The following MIOS variants were observed in gnomAD, a reference collection of about 807,000 sequenced individuals.
MIOS encodes GATOR2 complex protein MIOS.
MIOS carries 52 observed loss-of-function variants against 96.9 expected under a neutral mutation model. The observed-to-expected ratio is 0.54, with a 90% CI of 0.43 to 0.68. The LOEUF is 0.68. MIOS is among the 30% of genes least tolerant of loss of function. The pLI is 0.00. For missense variants in MIOS, 1,005 were observed against 1,052.8 expected (o/e 0.95, Z 0.63); for synonymous variants, 397 against 359.5 (o/e 1.10, Z -1.18).
chr7:7,599,144 A>G (rs189885547), intron 11 of MIOS, among the ~76,000 whole-genome samples: 8 of 152,300 alleles, frequency 5.3e-5, no homozygotes, highest in Admixed American at 2.0e-4. Context: ...CTCTAAAAAG[A>G]TCTGAAAATC....
At chr7:7,598,907 T>A (rs1005841224) in intron 11 of MIOS, among the ~76,000 whole-genome samples, 3 of 152,050 alleles carry the variant, frequency 2.0e-5, no homozygotes, top group Non-Finnish European at 2.9e-5. Flanking sequence ...TGTTATAGAA[T>A]TTTTTTCCAT....
At chr7:7,595,337 T>C (rs550767385) in intron 10 of MIOS, among the ~76,000 whole-genome samples, 2 of 152,334 alleles carry the variant, frequency 1.3e-5, no homozygotes, top group Non-Finnish European at 2.9e-5. Flanking sequence ...TAGTCGCAGA[T>C]AGAACAAACC....
At chr7:7,570,879 C>T (rs1783328820) in intron 3 of MIOS, among the ~76,000 whole-genome samples, 1 of 152,178 alleles carries the variant, frequency 6.6e-6, no homozygotes, top group South Asian at 2.1e-4. Context: ...TGGTTCCTAA[C>T]AGGCCAGGGA....
At chr7:7,595,169 A>C in intron 10 of MIOS, 37 bp downstream of exon 10, 1 of 1,577,078 alleles carries the variant, frequency 6.3e-7, no homozygotes, top group Non-Finnish European at 8.6e-7. Context: ...AAATTGTAAC[A>C]TGTTGATGTT....
chr7:7,572,512 C>T lies in MIOS; in HGVS notation c.37C>T (p.His13Tyr), dbSNP rs751533699. 9.9e-6 allele frequency: 16 copies of T among 1,613,978 alleles called. No individual in the cohort carries two copies. Among genetic ancestry groups the T allele is most frequent in the Non-Finnish European group, 1.4e-5 (16 of 1,179,886 alleles). The change falls in exon 4 of 13, where the codon CAC becomes TAC. Residue 13 changes from histidine (H) to tyrosine (Y), a missense_variant. His to Tyr is a moderately conservative substitution (Grantham distance 83). Coordinates refer to ENST00000340080, the MANE Select transcript of MIOS (RefSeq NM_019005.4). The surrounding 1 kb of genome is among the most constrained non-coding windows in gnomAD (Gnocchi z 4.8). ...CAAACCTGATATTTTATGGGCACCACACCATGTTGATAGATTTGTTGTGTG... is the reference window on the plus strand; with the variant it reads ...CAAACCTGATATTTTATGGGCACCATACCATGTTGATAGATTTGTTGTGTG... ...GTKPDILWAP[H>Y]HVDRFVVCDS...
At chr7:7,571,801 C>T (rs1021673325) in intron 3 of MIOS, among the ~76,000 whole-genome samples, 3 of 152,166 alleles carry the variant, frequency 2.0e-5, no homozygotes, top group Admixed American at 6.5e-5. Context: ...AAGGCTGATG[C>T]TTATTACTAA....
chr7:7,583,411 G>A (rs377657474), intron 6 of MIOS, 39 bp downstream of exon 6: 1 of 1,493,830 alleles, frequency 6.7e-7, no homozygotes, highest in South Asian at 1.4e-5. Flanking sequence ...TATAATCTAA[G>A]ATGTTAGCAG....
At chr7:7,589,106 A>G (rs1344595464) in intron 8 of MIOS, among the ~76,000 whole-genome samples, 1 of 152,176 alleles carries the variant, frequency 6.6e-6, no homozygotes, top group Non-Finnish European at 1.5e-5. Context: ...TATGATAGAC[A>G]GCAAAAATTT....
At chr7:7,594,862 CAA>C (rs58139181) in intron 9 of MIOS, 116 bp from the exon 10 acceptor site, 4,309 of 373,666 alleles carry the variant, frequency 0.012, no homozygotes, top group South Asian at 0.016. Flanking sequence ...CAGCTTTTGG[CAA>C]AAAAAAAAAA....
chr7:7,573,201 C>T lies in MIOS; in HGVS notation c.726C>T (p.Ser242=), dbSNP rs547512586. 3.7e-6 allele frequency: 6 copies of T among 1,614,108 alleles called. No individual in the cohort carries two copies. Among genetic ancestry groups the T allele is most frequent in the African/African-American group, 1.3e-5 (1 of 75,032 alleles). Residue 242 remains serine (S), a synonymous_variant, in exon 4 of 13, where the codon TCC becomes TCT. Coordinates refer to ENST00000340080, the MANE Select transcript of MIOS (RefSeq NM_019005.4). The surrounding 1 kb of genome is among the most constrained non-coding windows in gnomAD (Gnocchi z 5.0). ...CATATTTCCACGATCGTGTTGCTTC[C>T]TTCTATGAAGGTCAGGTTGCAATAT... is the stretch of plus-strand genomic sequence containing the variant. ...VDPYFHDRVA[S]FYEGQVAIWD... is the part of the protein sequence containing the mutation.
At chr7:7,604,520 C>G (rs914120930) in intron 11 of MIOS, among the ~76,000 whole-genome samples, 1 of 152,136 alleles carries the variant, frequency 6.6e-6, no homozygotes, top group Non-Finnish European at 1.5e-5. Flanking sequence ...ACAAAAATCG[C>G]TGCCCTTACA....
In MIOS at chr7:7,601,163, G is replaced by A. The variant is rs371051243; in HGVS notation, c.2401+4702G>A. Among the ~76,000 whole-genome samples, 73 of 152,108 alleles carry A rather than the reference G, an allele frequency of 4.8e-4. No homozygotes were observed. In the East Asian group the frequency reaches 0.011, roughly 23 times the overall value. On this transcript the variant is annotated intron_variant, in intron 11 of 12. Coordinates refer to ENST00000340080, the MANE Select transcript of MIOS (RefSeq NM_019005.4). ...TAACATCACAATTGAAAGAACTAGA[G>A]AAGCAAGAGCAAACACATTGAAAAG...
At chr7:7,596,493 A>T in intron 11 of MIOS, 32 bp downstream of exon 11, 3 of 1,556,246 alleles carry the variant, frequency 1.9e-6, no homozygotes, top group Non-Finnish European at 1.8e-6. Flanking sequence ...TACTTTTATG[A>T]ACTGAAATGA....
In MIOS at chr7:7,573,206, A is replaced by G. The variant is rs779720991; in HGVS notation, c.731A>G (p.Tyr244Cys). ...PYFHDRVASF[Y>C]EGQVAIWDLR... ...TTCCACGATCGTGTTGCTTCCTTCT[A>G]TGAAGGTCAGGTTGCAATATGGGAT... Residue 244 changes from tyrosine (Y) to cysteine (C), a missense_variant, in exon 4 of 13, where the codon TAT becomes TGT. Tyr to Cys is a radical substitution (Grantham distance 194). Transcript: ENST00000340080. The surrounding 1 kb of genome is among the most constrained non-coding windows in gnomAD (Gnocchi z 5.0). The G allele has an allele frequency of 7.4e-6, 12 of 1,613,974 alleles. No homozygotes were observed. Among genetic ancestry groups the G allele is most frequent in the South Asian group, 1.1e-5 (1 of 91,092 alleles).
intron 3 of MIOS, among the ~76,000 whole-genome samples, chr7:7,571,359 C>A (rs73349846): frequency 1.3e-5 from 2 of 152,032 alleles, no homozygotes; most frequent in African/African-American, 4.8e-5. Flanking sequence ...TTTGTAGAAG[C>A]GAAAACTGAA....
At chr7:7,582,925 A>G (rs1164837143) in intron 5 of MIOS, 193 bp from the exon 6 acceptor site, 1 of 608,970 alleles carries the variant, frequency 1.6e-6, no homozygotes, top group East Asian at 3.3e-5. Context: ...TTCTTTGCTA[A>G]CTCAAGGAGC....
At chr7:7,582,626 A>G in intron 5 of MIOS, 7 of 978,510 alleles carry the variant, frequency 7.2e-6, no homozygotes, top group Non-Finnish European at 7.3e-6. Flanking sequence ...TTTTTAATGT[A>G]CAGAGAAAGA....
At chr7:7,597,473 TA>T (rs1784238864) in intron 11 of MIOS, among the ~76,000 whole-genome samples, 1 of 6,310 alleles carries the variant, frequency 1.6e-4, no homozygotes, top group South Asian at 3.6e-3. Context: ...TAAATTTATA[TA>T]TATATATATA....
chr7:7,574,063 C>A, intron 4 of MIOS, 35 bp from the exon 5 acceptor site: 3 of 1,418,636 alleles, frequency 2.1e-6, no homozygotes, highest in South Asian at 2.4e-5. Flanking sequence ...AATATATTGT[C>A]ATGCATCACT....
Sources: allele counts gnomAD v4.1 joint callset (sites outside exome capture counted in the v4.1 genomes callset), GRCh38; gene constraint gnomAD v4.1.1; non-coding constraint Gnocchi (gnomAD v3.1); transcripts MANE v1.5; gene names NCBI Gene and HGNC (gene_info 2026-07-23, HGNC 2026-07-21).